Variants in CAPRIN2 observed in about 807,000 individuals in gnomAD.
CAPRIN2 encodes caprin-2.
CAPRIN2 carries 66 observed loss-of-function variants against 130.4 expected under a neutral mutation model. That is an observed-to-expected ratio of 0.51 (90% CI 0.42 to 0.62). CAPRIN2 has a LOEUF of 0.62. Among genes scored for constraint, CAPRIN2 ranks in the 20% least tolerant of loss-of-function variants. The pLI is 0.00. For synonymous variants in CAPRIN2, 471 were observed against 444.1 expected (o/e 1.06, Z -0.76); for missense variants, 1,185 against 1,246.6 (o/e 0.95, Z 0.74).
intron 6 of CAPRIN2, 87 bp from the exon 8 acceptor site, chr12:30,730,369 A>G (rs2062243553): frequency 4.3e-6 from 4 of 923,984 alleles, no homozygotes; most frequent in Non-Finnish European, 7.1e-6. Flanking sequence ...CTAGCAACAT[A>G]TTTCAGAAGA....
In CAPRIN2 at chr12:30,713,810, T is replaced by C; in HGVS notation, c.2576A>G (p.Tyr859Cys). ...CCTTTGGGAATAAGGTGCTCCAGAA[T>C]ACTCTCTAGCTTGGAACTGCAGCTG... is the stretch of plus-strand genomic sequence containing the variant. Residue 859 changes from tyrosine (Y) to cysteine (C), a missense_variant, in exon 15 of 17, where the codon TAT becomes TGT. Physicochemically the swap from Tyr to Cys is radical, Grantham distance 194 (BLOSUM62 -2). This residue lies in a region of CAPRIN2 where 1,104 missense variants were observed against 1,104.3 expected (regional missense o/e 1.00). Transcript: ENST00000298892. 3.1e-6 allele frequency: 5 copies of C among 1,608,018 alleles called. No homozygotes were observed. The highest frequency in any genetic ancestry group is 3.4e-6 in the Non-Finnish European group (4 of 1,174,760).
chr12:30,716,713 T>C, intron 12 of CAPRIN2, 37 bp from the exon 15 acceptor site: 1 of 1,592,572 alleles, frequency 6.3e-7, no homozygotes, highest in Non-Finnish European at 8.6e-7. Flanking sequence ...ATTTGGGAAG[T>C]TTCAAAGAAA....
intron 15 of CAPRIN2, 34 bp downstream of exon 17, chr12:30,713,751 C>T (rs745514232): frequency 3.3e-6 from 4 of 1,220,638 alleles, no homozygotes; most frequent in Non-Finnish European, 4.8e-6. Context: ...AACAACTGTA[C>T]CACTATTCAA....
Position 30,725,884 on chromosome 12 carries a change from C to T in CAPRIN2, c.1905+82G>A. On this transcript the variant is annotated intron_variant, in intron 9 of 16. Coordinates refer to ENST00000298892, the Ensembl canonical transcript of CAPRIN2. Reference sequence around the variant, plus strand: ...CAGAGCCAGGACTTGACAGAATAATCTATGCTCTTAATAATTTCACTGTAA... The same window carrying T: ...CAGAGCCAGGACTTGACAGAATAATTTATGCTCTTAATAATTTCACTGTAA... 3 of 1,240,816 alleles carry T rather than the reference C, an allele frequency of 2.4e-6. No individual in the cohort carries two copies. In the African/African-American group the frequency reaches 4.6e-5, roughly 19 times the overall value. 76.9% of individuals were successfully genotyped at this position (1,240,816 alleles called of 1,614,324 possible).
At chr12:30,734,208 A>C (rs1216424008) in intron 4 of CAPRIN2, among the ~76,000 whole-genome samples, 1 of 152,224 alleles carries the variant, frequency 6.6e-6, no homozygotes, top group Non-Finnish European at 1.5e-5. Context: ...ATGAGAATTA[A>C]AAAATACATG....
At chr12:30,732,418 A>T (rs1287569949) in intron 5 of CAPRIN2, among the ~76,000 whole-genome samples, 1 of 152,008 alleles carries the variant, frequency 6.6e-6, no homozygotes, top group African/African-American at 2.4e-5. Context: ...CAGCTTTCAG[A>T]TATAATTTAC....
At chr12:30,712,377 T>C (rs2055222716) in intron 15 of CAPRIN2, among the ~76,000 whole-genome samples, 1 of 152,224 alleles carries the variant, frequency 6.6e-6, no homozygotes, top group South Asian at 2.1e-4. Flanking sequence ...AGGAAAAATG[T>C]AAAAGAGCAC....
chr12:30,711,807 C>G (rs1322878041), intron 15 of CAPRIN2, 178 bp from the exon 18 acceptor site: 2 of 697,392 alleles, frequency 2.9e-6, no homozygotes, highest in Non-Finnish European at 5.3e-6. Context: ...GCAAGGGCAA[C>G]AGTGGCATTA....
exon 8 of CAPRIN2, chr12:30,728,902 G>T: frequency 6.2e-7 from 1 of 1,614,140 alleles, no homozygotes; most frequent in Non-Finnish European, 8.5e-7. Flanking sequence ...TTTGGAGTTT[G>T]CTTCTTTGGA....
At chr12:30,735,067 T>C (rs12146709) in exon 4 of CAPRIN2, 380,934 of 1,613,486 alleles carry the variant, frequency 0.24, 47,646 homozygotes, top group East Asian at 0.32. Flanking sequence ...CAAACCCCCT[T>C]TGAAGTCTTT....
At chr12:30,754,723 G>T (rs1336033611), upstream of CAPRIN2, 2 of 153,682 alleles carry the variant, frequency 1.3e-5, no homozygotes, top group South Asian at 3.7e-4. Context: ...CCGCCGCGCC[G>T]ACCGAGGCCG....
exon 1 of CAPRIN2, chr12:30,754,379 C>T (rs1339510865): frequency 6.5e-6 from 1 of 153,070 alleles, no homozygotes; most frequent in Non-Finnish European, 1.5e-5. Flanking sequence ...TCCCTTTCTC[C>T]CCCCTTAGGA....
chr12:30,719,385 T>C (rs1333452816), intron 12 of CAPRIN2, 160 bp from the exon 14 acceptor site: 6 of 738,548 alleles, frequency 8.1e-6, no homozygotes, highest in Admixed American at 5.7e-5. Flanking sequence ...CAAATCTCAA[T>C]TGCTGAGGAT....
chr12:30,719,717 G>A (rs1168926452), intron 12 of CAPRIN2: 1 of 152,094 alleles, frequency 6.6e-6, no homozygotes, highest in Admixed American at 6.6e-5. Flanking sequence ...GAAGCCACAA[G>A]TTCTTGACAT....
chr12:30,742,448 T>C (rs1264914726), intron 2 of CAPRIN2, among the ~76,000 whole-genome samples: 1 of 152,002 alleles, frequency 6.6e-6, no homozygotes, highest in African/African-American at 2.4e-5. Flanking sequence ...TTACTCCTGA[T>C]TCTCAGTAAC....
intron 3 of CAPRIN2, among the ~76,000 whole-genome samples, chr12:30,739,501 T>C (rs531148651): frequency 1.3e-3 from 205 of 152,296 alleles, no homozygotes; most frequent in Non-Finnish European, 1.9e-3. Flanking sequence ...CAAATCCCCA[T>C]GACATGAGTT....
chr12:30,715,213 T>G, intron 13 of CAPRIN2, 72 bp from the exon 16 acceptor site: 1 of 1,217,588 alleles, frequency 8.2e-7, no homozygotes, highest in Non-Finnish European at 1.2e-6. Context: ...AGCCAATATA[T>G]ATCAAAATCA....
intron 15 of CAPRIN2, 115 bp from the exon 18 acceptor site, chr12:30,711,744 C>G: frequency 1.2e-6 from 1 of 824,942 alleles, no homozygotes; most frequent in Middle Eastern, 2.2e-4. Flanking sequence ...TTTACCTGGC[C>G]TTCCCCAGCA....
At chr12:30,720,844 A>G (rs780932468) in exon 12 of CAPRIN2, 2 of 1,613,198 alleles carry the variant, frequency 1.2e-6, no homozygotes, top group East Asian at 2.2e-5. Flanking sequence ...ACTCTGTTTC[A>G]GATCCAGAAG....
Sources: allele counts gnomAD v4.1 joint callset (sites outside exome capture counted in the v4.1 genomes callset), GRCh38; gene constraint gnomAD v4.1.1; regional missense constraint gnomAD v4.1.1; transcripts MANE v1.5; gene names NCBI Gene and HGNC (gene_info 2026-07-23, HGNC 2026-07-21).